The following KLC2 variants were observed in gnomAD, a reference collection of about 807,000 sequenced individuals.
The protein encoded by KLC2 is KLC 2.
Under a neutral mutation model 75.1 loss-of-function variants are expected in KLC2, and 35 were observed. That is an observed-to-expected ratio of 0.47 (90% CI 0.36 to 0.62). The LOEUF (loss-of-function observed/expected upper bound fraction) is 0.62, where lower values mean the gene tolerates loss of function less well. Among genes scored for constraint, KLC2 ranks in the 20% least tolerant of loss-of-function variants. KLC2 has a pLI of 0.00. For missense variants in KLC2, 611 were observed against 833.2 expected, an observed-to-expected ratio of 0.73 and a Z score of 3.28; for synonymous variants, 314 against 336.7, an observed-to-expected ratio of 0.93 and a Z score of 0.74.
chr11:66,251,495 C>T, the KLC2 span, among the ~76,000 whole-genome samples: 3 of 131,810 alleles, frequency 2.3e-5, no homozygotes, highest in Admixed American at 7.2e-5. Context: ...GACTCCGTCT[C>T]AAAAAAAGAG....
Position 66,267,060 on chromosome 11 carries a change from C to A in KLC2, c.*104C>A. On this transcript the variant is annotated 3_prime_UTR_variant, in exon 16 of 16. Transcript: ENST00000394067. ...TTGTCCCGCCTGTCTCTCCCACAGC[C>A]CCTGTCTTTTCTGTTCAATCTCAGG... 1 of 1,573,138 alleles carries A rather than the reference C, an allele frequency of 6.4e-7. No homozygotes were observed.
At chr11:66,249,947 C>T in the KLC2 span, among the ~76,000 whole-genome samples, 4 of 152,174 alleles carry the variant, frequency 2.6e-5, no homozygotes, top group Admixed American at 6.5e-5. Flanking sequence ...GTCCTATCCT[C>T]CCAGTGCCCT....
At position 66,258,666 on chromosome 11, in the gene KLC2, C is replaced by T; in HGVS notation, c.72C>T (p.Val24=). 1 of 1,613,918 alleles carries T rather than the reference C, an allele frequency of 6.2e-7. No individual in the cohort carries two copies. Among genetic ancestry groups the T allele is most frequent in the East Asian group, 2.2e-5 (1 of 44,896 alleles). The change falls in exon 2 of 16, where the codon GTC becomes GTT. Residue 24 remains valine, a synonymous_variant. Coordinates refer to ENST00000394067, the MANE Select transcript of KLC2 (RefSeq NM_001318734.2). ...QDEIVLGTKA[V]IQGLETLRGE... is the part of the protein sequence containing the mutation. ...AGATCGTGCTGGGCACCAAGGCTGTCATCCAGGGACTGGAGACTCTGCGTG... is the reference window on the plus strand; with the variant it reads ...AGATCGTGCTGGGCACCAAGGCTGTTATCCAGGGACTGGAGACTCTGCGTG...
In KLC2 at chr11:66,263,741, C is replaced by T; in HGVS notation, c.834C>T (p.His278=). 6.2e-7 allele frequency: 1 copy of T among 1,613,648 alleles called. No homozygotes were observed. The highest frequency in any genetic ancestry group is 1.6e-4 in the Middle Eastern group (1 of 6,062). ...AIREKTLGKD[H]PAVAATLNNL... ...GGGAGAAAACACTGGGCAAGGACCA[C>T]CCAGCCGTGAGTGAGGGTTGGGTGG... Residue 278 remains histidine (H), a synonymous_variant, in exon 6 of 16, where the codon CAC becomes CAT. Transcript: ENST00000394067.
chr11:66,252,832 C>A (rs1855975012), upstream of KLC2, among the ~76,000 whole-genome samples: 1 of 151,994 alleles, frequency 6.6e-6, no homozygotes, highest in African/African-American at 2.4e-5. Flanking sequence ...GGACAGGAAC[C>A]AGGAGCCTCT....
At chr11:66,265,352 A>C (rs1856749690) in intron 11 of KLC2, 117 bp downstream of exon 11, 1 of 875,304 alleles carries the variant, frequency 1.1e-6, no homozygotes, top group Admixed American at 2.4e-5. Flanking sequence ...CCCAACTCAC[A>C]GGTCACCTGT....
intron 11 of KLC2, 99 bp downstream of exon 11, chr11:66,265,334 T>C: frequency 9.5e-7 from 1 of 1,057,466 alleles, no homozygotes; most frequent in Non-Finnish European, 1.4e-6. Context: ...GCTGCTCATC[T>C]GGCAAGGCCC....
chr11:66,251,853 A>G, the KLC2 span, among the ~76,000 whole-genome samples: 5 of 152,250 alleles, frequency 3.3e-5, no homozygotes, highest in African/African-American at 1.2e-4. Context: ...AGATTTGGAC[A>G]GGACTTAGTG....
chr11:66,256,570 C>CA (rs1856045982), upstream of KLC2, among the ~76,000 whole-genome samples: 1 of 152,148 alleles, frequency 6.6e-6, no homozygotes, highest in Non-Finnish European at 1.5e-5. Context: ...GCCTGGGAGA[C>CA]AGACTCCATC....
rs474005 is a variant in KLC2 at position 66,265,830 on chromosome 11, C to T, written c.1444-24C>T. The T allele has an allele frequency of 0.45, 716,039 of 1,584,040 alleles. 165,906 individuals carry two copies. Among genetic ancestry groups the T allele is most frequent in the Admixed American group, 0.51 (29,398 of 58,188 alleles). On this transcript the variant is annotated intron_variant, in intron 12 of 15. Coordinates refer to ENST00000394067, the MANE Select transcript of KLC2 (RefSeq NM_001318734.2). ...GCCCTGGGTGTGGTCCATTCACTGC[C>T]TGATGCCCCTGCCCCTCCCTCAGGG...
At chr11:66,252,948 G>A (rs1855975902), upstream of KLC2, among the ~76,000 whole-genome samples, 1 of 151,976 alleles carries the variant, frequency 6.6e-6, no homozygotes, top group Admixed American at 6.6e-5. Context: ...AGGAAGCTGG[G>A]GAGACATGGT....
In KLC2 at chr11:66,260,651, T is replaced by C. The variant is rs1326822238; in HGVS notation, c.229-1091T>C. ...TTGCTCTGTTGCCCAGGCTGGAGTATAGTGGCACGATCTCAGCTCACTGCA... is the reference window on the plus strand; with the variant it reads ...TTGCTCTGTTGCCCAGGCTGGAGTACAGTGGCACGATCTCAGCTCACTGCA... On this transcript the variant is annotated intron_variant, in intron 2 of 15. Transcript: ENST00000394067. Among the ~76,000 whole-genome samples, 4 of 152,168 alleles carry C rather than the reference T, an allele frequency of 2.6e-5. No individual in the cohort carries two copies. The East Asian group carries it at 7.7e-4, about 29-fold the overall frequency.
In KLC2 at chr11:66,265,153, C is replaced by T. The variant is rs1590872418; in HGVS notation, c.1267-15C>T. On this transcript the variant is annotated splice_polypyrimidine_tract_variant and intron_variant, in intron 10 of 15. Transcript: ENST00000394067. The stretch of plus-strand genomic sequence containing the variant: ...GGGGCCTGCTCTCACTTCTTGTGAC[C>T]ATTCTTTCCTCCAGGATAAGCGCCG... 1.2e-6 allele frequency: 2 copies of T among 1,603,796 alleles called. No homozygotes were observed. The highest frequency in any genetic ancestry group is 1.7e-6 in the Non-Finnish European group (2 of 1,172,330).
chr11:66,261,745 A>T lies in KLC2; in HGVS notation c.232A>T (p.Ile78Phe). 6.2e-7 allele frequency: 1 copy of T among 1,609,358 alleles called. No individual in the cohort carries two copies. The highest frequency in any genetic ancestry group is 8.5e-7 in the Non-Finnish European group (1 of 1,177,588). Residue 78 changes from isoleucine to phenylalanine, a missense_variant, in exon 3 of 16, where the codon ATC becomes TTC. Ile to Phe is a conservative substitution (Grantham distance 21). Coordinates refer to ENST00000394067, the MANE Select transcript of KLC2 (RefSeq NM_001318734.2). ...IELGLGEAQVILALSSHLGAV... is the reference protein window; with the variant it reads ...IELGLGEAQVFLALSSHLGAV... ...CTTACCTGGGCTGGTTGCACAGGTG[A>T]TCTTGGCATTGTCGAGCCACCTGGG...
rs1323669558 is a variant in KLC2 at position 66,258,687 on chromosome 11, G to C, written c.93G>C (p.Leu31=). The change falls in exon 2 of 16, where the codon CTG becomes CTC. Residue 31 remains leucine (L), a synonymous_variant. Transcript: ENST00000394067. ...TKAVIQGLET[L]RGEHRALLAP... Reference sequence around the variant, plus strand: ...CTGTCATCCAGGGACTGGAGACTCTGCGTGGGGAGCATCGTGCCCTGCTGG... The same window carrying C: ...CTGTCATCCAGGGACTGGAGACTCTCCGTGGGGAGCATCGTGCCCTGCTGG... 12 of 1,613,992 alleles carry C rather than the reference G, an allele frequency of 7.4e-6. No individual in the cohort carries two copies. The South Asian group carries it at 1.3e-4, about 18-fold the overall frequency.
chr11:66,264,976 G>C, intron 9 of KLC2, 47 bp from the exon 10 acceptor site: 1 of 1,598,830 alleles, frequency 6.3e-7, no homozygotes, highest in Non-Finnish European at 8.6e-7. Context: ...GCCCAACCAG[G>C]TGAGACCTAT....
At chr11:66,248,509 C>T in the KLC2 span, among the ~76,000 whole-genome samples, 5 of 152,124 alleles carry the variant, frequency 3.3e-5, 1 homozygote, top group South Asian at 2.1e-4. Context: ...CGCAGCTACT[C>T]GGGAGGCTGA....
rs146772625 is a variant in KLC2, at chr11:66,266,484, G to A, written c.1779G>A (p.Pro593=). ...LNFLNKSVEE[P]TQPGGTGLSD... Reference sequence around the variant, plus strand: ...TCCTCAACAAGAGCGTGGAAGAGCCGACCCAGGTAGGGGCAGGCGGGTGTC... The same window carrying A: ...TCCTCAACAAGAGCGTGGAAGAGCCAACCCAGGTAGGGGCAGGCGGGTGTC... Residue 593 remains proline (P), a synonymous_variant, in exon 15 of 16, where the codon CCG becomes CCA. Transcript: ENST00000394067. 2.7e-5 allele frequency: 43 copies of A among 1,613,702 alleles called. No homozygotes were observed. Among genetic ancestry groups the A allele is most frequent in the Non-Finnish European group, 3.2e-5 (38 of 1,179,852 alleles).
the KLC2 span, chr11:66,245,169 C>G: frequency 6.6e-6 from 1 of 152,264 alleles, no homozygotes; most frequent in Admixed American, 6.5e-5. Flanking sequence ...TTCCTGCCCG[C>G]CCTTGACTTA....
Sources: allele counts gnomAD v4.1 joint callset (sites outside exome capture counted in the v4.1 genomes callset), GRCh38; gene constraint gnomAD v4.1.1; transcripts MANE v1.5; gene names NCBI Gene and HGNC (gene_info 2026-07-23, HGNC 2026-07-21).